The following STKLD1 variants were observed in gnomAD, a reference collection of about 807,000 sequenced individuals.
STKLD1 encodes serine/threonine kinase-like domain-containing protein STKLD1.
A neutral mutation model predicts 80.4 loss-of-function variants in STKLD1; 79 were observed. That is an observed-to-expected ratio of 0.98 (90% confidence interval 0.82 to 1.19). STKLD1 has a LOEUF of 1.19. Ranked by LOEUF, STKLD1 falls within the 50% of genes most tolerant of loss-of-function variation. The pLI is 0.00. For synonymous variants in STKLD1, 393 were observed against 357.6 expected, an observed-to-expected ratio of 1.10 and a Z score of -1.12; for missense variants, 841 against 856.0, an observed-to-expected ratio of 0.98 and a Z score of 0.22.
intron 13 of STKLD1, among the ~76,000 whole-genome samples, chr9:133,402,506 C>T (rs1039352979): frequency 7.2e-5 from 11 of 152,242 alleles, no homozygotes; most frequent in Non-Finnish European, 1.5e-4. Context: ...CAACTGGAAC[C>T]CTCAGGCAAA....
At chr9:133,402,420 C>T (rs1336116317) in intron 13 of STKLD1, among the ~76,000 whole-genome samples, 1 of 152,228 alleles carries the variant, frequency 6.6e-6, no homozygotes, top group Admixed American at 6.5e-5. Context: ...ACCCTCTTTA[C>T]TGCACAGACT....
chr9:133,387,771 C>T (rs1369494060), intron 5 of STKLD1: 6 of 653,908 alleles, frequency 9.2e-6, no homozygotes, highest in African/African-American at 1.8e-5. Context: ...AGACAGAAGG[C>T]GTTCCTAACA....
chr9:133,397,320 G>A (rs1838588587), intron 10 of STKLD1, 26 bp downstream of exon 10: 2 of 1,611,034 alleles, frequency 1.2e-6, no homozygotes, highest in Non-Finnish European at 1.7e-6. Context: ...CAAAGGGGGA[G>A]CGTGCCCTGA....
chr9:133,404,901 C>A lies in STKLD1; in HGVS notation c.1845C>A (p.Gly615=), dbSNP rs1337619643. ...ACCCGGAGGTGGTGGAGAACGTGGG[C>A]ATGCTGCTGGTCCACCTGGCTTCCT... ...RDDPEVVENV[G]MLLVHLASYE... is the part of the protein sequence containing the mutation. The change falls in exon 17 of 18, where the codon GGC becomes GGA. Residue 615 remains glycine (G), a synonymous_variant. Coordinates refer to ENST00000371957, the MANE Select transcript of STKLD1 (RefSeq NM_153710.5). The A allele has an allele frequency of 6.2e-7, 1 of 1,613,342 alleles. No individual in the cohort carries two copies. The highest frequency in any genetic ancestry group is 8.5e-7 in the Non-Finnish European group (1 of 1,179,858).
In STKLD1 at chr9:133,389,595, A is replaced by C; in HGVS notation, c.466A>C (p.Arg156=). The C allele has an allele frequency of 6.2e-7, 1 of 1,613,380 alleles. No individual in the cohort carries two copies. Among genetic ancestry groups the C allele is most frequent in the South Asian group, 1.1e-5 (1 of 91,058 alleles). Residue 156 remains arginine, a splice_region_variant and synonymous_variant, in exon 6 of 18, where the codon AGG becomes CGG. Transcript: ENST00000371957. The surrounding 1 kb of genome is among the most constrained non-coding windows in gnomAD (Gnocchi z 6.4). ...EYLHHLDIIH[R]NLKPSNIILI... is the part of the protein sequence containing the mutation. Reference sequence around the variant, plus strand: ...CCTGCACCATTTGGACATCATCCACAGGTAAGTGGGGCCCCTGACCTCTGC... The same window carrying C: ...CCTGCACCATTTGGACATCATCCACCGGTAAGTGGGGCCCCTGACCTCTGC...
rs2130283523 is a variant in STKLD1 at position 133,389,186 on chromosome 9, G to A, written c.397-340G>A. 3.7e-5 allele frequency: 36 copies of A among 985,332 alleles called. No individual in the cohort carries two copies. In the South Asian group the frequency reaches 5.6e-4, roughly 15 times the overall value. 61.0% of individuals were successfully genotyped at this position (985,332 alleles called of 1,614,324 possible). The stretch of plus-strand genomic sequence containing the variant: ...GAAGGCTTCCACCTCTCCCATACCC[G>A]CAAGGCCGATCTGCCTTCAGCTCCC... On this transcript the variant is annotated intron_variant, in intron 5 of 17. Transcript: ENST00000371957. This position sits in a 1 kb window ranked among gnomAD's most constrained non-coding sequence, Gnocchi z 6.4.
In STKLD1 at chr9:133,402,816, C is replaced by T. The variant is rs1045560711; in HGVS notation, c.1340-62C>T. The T allele has an allele frequency of 1.9e-6, 3 of 1,551,790 alleles. No individual in the cohort carries two copies. The African/African-American group carries it at 4.1e-5, about 21-fold the overall frequency. On this transcript the variant is annotated intron_variant, in intron 13 of 17. Transcript: ENST00000371957. ...ATGGGACTGCAGTGCCCAAGGACAACAGAGGCAGGAAGGCTTCCTGGAGGG... is the reference window on the plus strand; with the variant it reads ...ATGGGACTGCAGTGCCCAAGGACAATAGAGGCAGGAAGGCTTCCTGGAGGG...
chr9:133,388,750 G>A, intron 5 of STKLD1: 1 of 985,404 alleles, frequency 1.0e-6, no homozygotes, highest in Non-Finnish European at 1.2e-6. Flanking sequence ...TACCCCAGAT[G>A]AATGCTACCT....
In STKLD1 at chr9:133,402,921, G is replaced by A; in HGVS notation, c.1383G>A (p.Leu461=). ...AGGAGCTGCAGAATGCTGGGCTGCT[G>A]GAGCACATCCTGGAGCACCTCAACA... ...LSEELQNAGL[L]EHILEHLNSS... The change falls in exon 14 of 18, where the codon CTG becomes CTA. Residue 461 remains leucine (L), a synonymous_variant. Transcript: ENST00000371957. 6.3e-7 allele frequency: 1 copy of A among 1,587,258 alleles called. No homozygotes were observed. Among genetic ancestry groups the A allele is most frequent in the Non-Finnish European group, 8.6e-7 (1 of 1,167,094 alleles).
intron 11 of STKLD1, among the ~76,000 whole-genome samples, chr9:133,399,611 C>T (rs1554777263): frequency 6.6e-6 from 1 of 152,250 alleles, no homozygotes; most frequent in Non-Finnish European, 1.5e-5. Context: ...CGCAGTGGCT[C>T]ATGCCTGTAA....
chr9:133,385,206 C>A lies in STKLD1; in HGVS notation c.220-411C>A, dbSNP rs1023098896. ...GCTCCTGTTTGGGCATGTTTCAAAG[C>A]ACTTTCCGCCAGGGCAGGGGCACCG... On this transcript the variant is annotated intron_variant, in intron 3 of 17. Coordinates refer to ENST00000371957, the MANE Select transcript of STKLD1 (RefSeq NM_153710.5). The surrounding 1 kb of genome is among the most constrained non-coding windows in gnomAD (Gnocchi z 4.9). Among the ~76,000 whole-genome samples, 1 of 152,192 alleles carries A rather than the reference C, an allele frequency of 6.6e-6. No individual in the cohort carries two copies. Among genetic ancestry groups the A allele is most frequent in the Non-Finnish European group, 1.5e-5 (1 of 68,030 alleles).
rs1039394760 is a variant in STKLD1, at chr9:133,397,232, G to C, written c.935G>C (p.Arg312Pro). The change falls in exon 10 of 18, where the codon CGG becomes CCG. Residue 312 changes from arginine (R) to proline (P), a missense_variant. Arg to Pro is a moderately radical substitution (Grantham distance 103, BLOSUM62 -2). Coordinates refer to ENST00000371957, the MANE Select transcript of STKLD1 (RefSeq NM_153710.5). ...TCGTGCGTCTCTCTGACCCTGCACCGGCAGATGGTGCCTGCGTCCATCACC... is the reference window on the plus strand; with the variant it reads ...TCGTGCGTCTCTCTGACCCTGCACCCGCAGATGGTGCCTGCGTCCATCACC... ...KSSCVSLTLH[R>P]QMVPASITDM... The C allele has an allele frequency of 6.2e-7, 1 of 1,613,900 alleles. No individual in the cohort carries two copies. The highest frequency in any genetic ancestry group is 8.5e-7 in the Non-Finnish European group (1 of 1,180,006).
chr9:133,394,782 CTGG>C lies in STKLD1; in HGVS notation c.702+374_702+376del. The C allele has an allele frequency of 4.4e-6, 1 of 227,804 alleles. No individual in the cohort carries two copies. Among genetic ancestry groups the C allele is most frequent in the Non-Finnish European group, 8.7e-6 (1 of 114,466 alleles). 14.1% of individuals were successfully genotyped at this position (227,804 alleles called of 1,614,324 possible). On this transcript the variant is annotated intron_variant, in intron 8 of 17. Coordinates refer to ENST00000371957, the MANE Select transcript of STKLD1 (RefSeq NM_153710.5). The surrounding 1 kb of genome is among the most constrained non-coding windows in gnomAD (Gnocchi z 4.9). ...GAACCCAGTGTGGGCCTGAACACAC[CTGG>C]CTGTCTCATGCACAAGCCCCAGGCT...
Position 133,406,023 on chromosome 9 carries a change from T to C in STKLD1, c.*602T>C, listed in dbSNP as rs913652925. The C allele has an allele frequency of 6.6e-6, 1 of 152,310 alleles. No homozygotes were observed. Among genetic ancestry groups the C allele is most frequent in the Non-Finnish European group, 1.5e-5 (1 of 68,114 alleles). The allele number at this position is 152,310 out of a possible 1,614,324, so 9.4% of individuals were successfully genotyped here. A position where few individuals can be genotyped will look rare whatever the true frequency, so the allele number is the denominator to read the frequency against. ...TGGACAGAGCAGTCCTTCCAGACCA[T>C]TCTAGATGAGAGTCAACACTGAGCC... On this transcript the variant is annotated 3_prime_UTR_variant, in exon 18 of 18. Transcript: ENST00000371957.
chr9:133,387,799 G>C (rs961596262), intron 5 of STKLD1: 1 of 611,040 alleles, frequency 1.6e-6, no homozygotes, highest in Admixed American at 2.1e-5. Context: ...GTTCCCAGTC[G>C]GTGACCATGA....
At chr9:133,386,162 G>A (rs1002529770) in intron 4 of STKLD1, among the ~76,000 whole-genome samples, 5 of 152,094 alleles carry the variant, frequency 3.3e-5, no homozygotes, top group African/African-American at 9.7e-5. Flanking sequence ...TAAGTGATCC[G>A]CCCGCCTCGG....
intron 12 of STKLD1, among the ~76,000 whole-genome samples, chr9:133,401,488 G>C (rs1838706054): frequency 6.6e-6 from 1 of 152,162 alleles, no homozygotes; most frequent in Non-Finnish European, 1.5e-5. Context: ...TGTTGAAATT[G>C]TGTTCAGTGC....
intron 7 of STKLD1, among the ~76,000 whole-genome samples, chr9:133,393,657 G>GTGGATGGA (rs72031144): frequency 9.0e-5 from 13 of 145,026 alleles, no homozygotes; most frequent in South Asian, 2.2e-4. Context: ...GGGTGGGTGG[G>GTGGATGGA]TGGATGGATG....
intron 2 of STKLD1, among the ~76,000 whole-genome samples, chr9:133,379,736 C>G (rs1241185305): frequency 6.6e-6 from 1 of 152,162 alleles, no homozygotes; most frequent in East Asian, 1.9e-4. Context: ...ACAGGGAGGT[C>G]CAGATCAACA....
Sources: gnomAD v4.1 joint callset for allele counts (sites outside exome capture counted in the v4.1 genomes callset) on GRCh38, gnomAD v4.1.1 for gene constraint, Gnocchi (gnomAD v3.1) non-coding constraint, MANE v1.5 for transcripts, NCBI Gene and HGNC (gene_info 2026-07-23, HGNC 2026-07-21) for gene names.